CDYL2: variants seen among roughly 807,000 people sequenced by gnomAD.
CDYL2 encodes chromodomain Y like 2, also known as chromodomain Y-like protein 2.
A neutral mutation model predicts 49.4 loss-of-function variants in CDYL2; 23 were observed. The observed-to-expected ratio is 0.47, with a 90% CI of 0.34 to 0.66. The LOEUF is 0.66. CDYL2 is among the 30% of genes least tolerant of loss of function. The pLI is 0.01. For missense variants in CDYL2, 678 were observed against 656.4 expected (o/e 1.03, Z -0.36); for synonymous variants, 360 against 268.8 (o/e 1.34, Z -3.32).
chr16:80,728,342 T>A (rs990431307), intron 1 of CDYL2, among the ~76,000 whole-genome samples: 5 of 152,006 alleles, frequency 3.3e-5, no homozygotes, highest in Non-Finnish European at 7.4e-5. Context: ...GAAGAAAGGG[T>A]ATCAGTGATG....
chr16:80,743,347 A>G (rs1462507191), intron 1 of CDYL2, among the ~76,000 whole-genome samples: 2 of 152,246 alleles, frequency 1.3e-5, no homozygotes, highest in African/African-American at 4.8e-5. Context: ...TTCGTTTTAT[A>G]AAATAGAGAG....
intron 2 of CDYL2, among the ~76,000 whole-genome samples, chr16:80,670,428 C>T (rs1322262528): frequency 6.6e-6 from 1 of 152,170 alleles, no homozygotes; most frequent in Non-Finnish European, 1.5e-5. Context: ...TTTGCTTCCC[C>T]TTCCGCCATG....
chr16:80,797,500 T>C (rs1907800248), intron 1 of CDYL2, among the ~76,000 whole-genome samples: 1 of 152,218 alleles, frequency 6.6e-6, no homozygotes, highest in African/African-American at 2.4e-5. Context: ...CAGGATTGTA[T>C]GGAACTTCCA....
intron 2 of CDYL2, among the ~76,000 whole-genome samples, chr16:80,673,399 G>C (rs1437799802): frequency 3.3e-5 from 5 of 152,016 alleles, no homozygotes; most frequent in Non-Finnish European, 7.4e-5. Context: ...TTATATCAAA[G>C]TCCACACCAA....
chr16:80,612,659 G>C lies in CDYL2; in HGVS notation c.1185C>G (p.Ser395=), dbSNP rs1198805918. ...TIRLTPAGCS[S]YTFPQILGVA... ...CGCCCAGGATCTGGGGGAAGGTGTAGGAGGAGCAGCCAGCAGGCGTGAGGC... is the reference window on the plus strand; with the variant it reads ...CGCCCAGGATCTGGGGGAAGGTGTACGAGGAGCAGCCAGCAGGCGTGAGGC... The change falls in exon 5 of 7, where the codon TCC becomes TCG. Residue 395 remains serine (S), a synonymous_variant. Transcript: ENST00000570137. This position sits in a 1 kb window ranked among gnomAD's most constrained non-coding sequence, Gnocchi z 5.0. The C allele has an allele frequency of 6.2e-7, 1 of 1,612,630 alleles. No homozygotes were observed. Among genetic ancestry groups the C allele is most frequent in the Non-Finnish European group, 8.5e-7 (1 of 1,179,674 alleles).
At chr16:80,765,057 C>CA (rs933163217) in intron 1 of CDYL2, among the ~76,000 whole-genome samples, 1,000 of 47,234 alleles carry the variant, frequency 0.021, 12 homozygotes, top group African/African-American at 0.044. Context: ...GATTCCGTCT[C>CA]AAAAAAAAAA....
chr16:80,644,811 A>G (rs2142410061), intron 2 of CDYL2, among the ~76,000 whole-genome samples: 1 of 152,306 alleles, frequency 6.6e-6, no homozygotes, highest in South Asian at 2.1e-4. Flanking sequence ...ATGGAACAGA[A>G]CAGAGCCCTC....
intron 1 of CDYL2, among the ~76,000 whole-genome samples, chr16:80,783,117 G>C (rs555303393): frequency 2.0e-4 from 30 of 152,112 alleles, no homozygotes; most frequent in African/African-American, 6.3e-4. Context: ...TAACCAACAG[G>C]ACAGGAGAAA....
chr16:80,730,305 T>G (rs6564787), intron 1 of CDYL2, among the ~76,000 whole-genome samples: 2 of 151,906 alleles, frequency 1.3e-5, no homozygotes, highest in African/African-American at 4.8e-5. Context: ...AAACTGCCAT[T>G]AGAGAATGCT....
chr16:80,615,128 G>C lies in CDYL2; in HGVS notation c.1008-2292C>G, dbSNP rs190821991. The stretch of plus-strand genomic sequence containing the variant: ...ATGGTGGAGTTAGCTCTCAGTCCCT[G>C]CTGGCCCCCAAAAGGTACTACTTCA... On this transcript the variant is annotated intron_variant, in intron 4 of 6. Coordinates refer to ENST00000570137, the MANE Select transcript of CDYL2 (RefSeq NM_152342.4). Among the ~76,000 whole-genome samples the C allele has an allele frequency of 5.9e-5, 9 of 152,230 alleles. No homozygotes were observed. The South Asian group carries it at 8.3e-4, about 14-fold the overall frequency.
intron 1 of CDYL2, among the ~76,000 whole-genome samples, chr16:80,701,710 T>C (rs893456213): frequency 1.3e-5 from 2 of 152,234 alleles, no homozygotes; most frequent in Non-Finnish European, 2.9e-5. Context: ...ATATTAAAAG[T>C]TGGTTTGCAA....
chr16:80,620,950 G>A lies in CDYL2; in HGVS notation c.835-15C>T. On this transcript the variant is annotated splice_polypyrimidine_tract_variant and intron_variant, in intron 3 of 6. Transcript: ENST00000570137. ...TCTTTCATGATCTGCCGGCAGAGAT[G>A]AATTTGCAGGGATGTTAAGTGTCTA... 1 of 1,580,568 alleles carries A rather than the reference G, an allele frequency of 6.3e-7. No homozygotes were observed. Among genetic ancestry groups the A allele is most frequent in the Non-Finnish European group, 8.6e-7 (1 of 1,158,760 alleles).
chr16:80,606,205 C>T (rs970272982), intron 6 of CDYL2, among the ~76,000 whole-genome samples: 1 of 152,252 alleles, frequency 6.6e-6, no homozygotes, highest in African/African-American at 2.4e-5. Flanking sequence ...CTGGCTCTTT[C>T]CCCCTGGAAT....
At chr16:80,663,521 G>C (rs1909134521) in intron 2 of CDYL2, among the ~76,000 whole-genome samples, 1 of 152,044 alleles carries the variant, frequency 6.6e-6, no homozygotes, top group South Asian at 2.1e-4. Flanking sequence ...AGAAAGTTTA[G>C]GTTCTCAGAT....
intron 2 of CDYL2, among the ~76,000 whole-genome samples, chr16:80,657,215 T>G (rs1371377602): frequency 6.6e-6 from 1 of 152,186 alleles, no homozygotes; most frequent in African/African-American, 2.4e-5. Context: ...TGACAAGGAC[T>G]TTAAAATAGG....
rs144213797 is a variant in CDYL2 at position 80,762,946 on chromosome 16, A to G, written c.24+41204T>C. Among the ~76,000 whole-genome samples, 69 of 152,326 alleles carry G rather than the reference A, an allele frequency of 4.5e-4. 2 individuals are homozygous for G. In the East Asian group the frequency reaches 0.013, roughly 29 times the overall value. On this transcript the variant is annotated intron_variant, in intron 1 of 6. Transcript: ENST00000570137. ...ATGAGTTCAATGTTAATGATCCACAATATATATTTAATAATGTGTCTTTAA... is the reference window on the plus strand; with the variant it reads ...ATGAGTTCAATGTTAATGATCCACAGTATATATTTAATAATGTGTCTTTAA...
At chr16:80,683,231 T>C (rs1014067943) in intron 2 of CDYL2, among the ~76,000 whole-genome samples, 3 of 152,256 alleles carry the variant, frequency 2.0e-5, no homozygotes, top group Non-Finnish European at 2.9e-5. Context: ...TGGGCAATGG[T>C]TGTCCACACT....
intron 1 of CDYL2, among the ~76,000 whole-genome samples, chr16:80,707,502 A>AACAAG (rs1168015521): frequency 6.6e-6 from 1 of 152,156 alleles, no homozygotes; most frequent in Non-Finnish European, 1.5e-5. Flanking sequence ...AAAAACCTTG[A>AACAAG]ACAAGACCAT....
chr16:80,657,450 T>C (rs1050566161), intron 2 of CDYL2, among the ~76,000 whole-genome samples: 1 of 151,974 alleles, frequency 6.6e-6, no homozygotes, highest in Non-Finnish European at 1.5e-5. Flanking sequence ...CAAAAATTCC[T>C]TCAGGAAAAA....
Sources: allele counts gnomAD v4.1 joint callset (sites outside exome capture counted in the v4.1 genomes callset), GRCh38; gene constraint gnomAD v4.1.1; non-coding constraint Gnocchi (gnomAD v3.1); transcripts MANE v1.5; gene names NCBI Gene and HGNC (gene_info 2026-07-23, HGNC 2026-07-21).